The following BANF2 variants were observed in gnomAD, a reference collection of about 807,000 sequenced individuals.
BANF2 encodes the protein barrier-to-autointegration factor-like protein.
Under a neutral mutation model 8.0 loss-of-function variants are expected in BANF2, and 4 were observed. The observed-to-expected ratio is 0.50, with a 90% CI of 0.25 to 1.14. BANF2 has a LOEUF of 1.14. Among genes scored for constraint, BANF2 ranks in the 50% most tolerant of loss-of-function variants. The probability of loss-of-function intolerance (pLI) is 0.16; values close to 1 mark genes in which losing one functional copy is unlikely to be tolerated. For missense variants in BANF2, 96 were observed against 107.5 expected (o/e 0.89, Z 0.47); for synonymous variants, 50 against 40.6 (o/e 1.23, Z -0.88).
chr20:17,694,622 T>TGAGACAGGG (rs2037330184), intron 1 of BANF2, among the ~76,000 whole-genome samples: 1 of 114,346 alleles, frequency 8.7e-6, no homozygotes, highest in African/African-American at 3.0e-5. Flanking sequence ...TTTTTTTTTT[T>TGAGACAGGG]TTTTTTTTTT....
intron 1 of BANF2, among the ~76,000 whole-genome samples, chr20:17,694,599 CTCTTTTTTTTTTTTTTTTTTTT>C (rs373535208): frequency 0.046 from 3,823 of 82,992 alleles, 131 homozygotes; most frequent in Middle Eastern, 0.14. Flanking sequence ...TTTTTTCTCT[CTCTTTTTTTTTTTTTTTTTTTT>C]TTTTTTTTTT....
chr20:17,727,646 C>A (rs987811848), intron 3 of BANF2, among the ~76,000 whole-genome samples: 2 of 151,810 alleles, frequency 1.3e-5, no homozygotes, highest in Non-Finnish European at 2.9e-5. Context: ...TCAGGGCCAG[C>A]AATGACAGCA....
intron 1 of BANF2, among the ~76,000 whole-genome samples, chr20:17,711,306 G>T (rs761644579): frequency 3.9e-5 from 6 of 152,216 alleles, no homozygotes; most frequent in African/African-American, 1.4e-4. Context: ...AGTCACTTTT[G>T]CCTGAAGACA....
intron 1 of BANF2, among the ~76,000 whole-genome samples, chr20:17,719,704 GA>G (rs1433563049): frequency 6.8e-6 from 1 of 147,042 alleles, no homozygotes; most frequent in African/African-American, 2.5e-5. Flanking sequence ...AAAAAAAAAA[GA>G]GGAGCAGCTT....
intron 1 of BANF2, among the ~76,000 whole-genome samples, chr20:17,718,052 A>G (rs114286745): frequency 0.014 from 2,179 of 152,340 alleles, 52 homozygotes; most frequent in African/African-American, 0.05. Flanking sequence ...GAAATAACAT[A>G]TTACATAAAA....
chr20:17,726,401 G>C (rs1255116928), intron 3 of BANF2, among the ~76,000 whole-genome samples: 1 of 152,020 alleles, frequency 6.6e-6, no homozygotes, highest in East Asian at 1.9e-4. Flanking sequence ...TGCTCAGGAT[G>C]GTCTCGAACT....
chr20:17,711,154 G>A lies in BANF2; in HGVS notation c.-167+11099G>A, dbSNP rs577594862. On this transcript the variant is annotated intron_variant, in intron 1 of 3. Transcript: ENST00000246090. Reference sequence around the variant, plus strand: ...CTGGCAACCCTACTCTGGTGGGAACGGAGAACAAACCTCCTGGGAGGTCTG... The same window carrying A: ...CTGGCAACCCTACTCTGGTGGGAACAGAGAACAAACCTCCTGGGAGGTCTG... Among the ~76,000 whole-genome samples the A allele has an allele frequency of 3.3e-5, 5 of 152,324 alleles. No homozygotes were observed. In the East Asian group the frequency reaches 5.8e-4, roughly 18 times the overall value.
chr20:17,700,936 G>A lies in BANF2; in HGVS notation c.-167+881G>A, dbSNP rs145840604. Among the ~76,000 whole-genome samples, 291 of 152,294 alleles carry A rather than the reference G, an allele frequency of 1.9e-3. 2 individuals are homozygous for A. The highest frequency in any genetic ancestry group is 6.5e-3 in the African/African-American group (271 of 41,562). ...AACACGTCCACACAGCTGCAGCTGC[G>A]TCCCTTCTCCCACAAAGGAGTGGCT... On this transcript the variant is annotated intron_variant, in intron 1 of 3. Transcript: ENST00000246090.
intron 3 of BANF2, among the ~76,000 whole-genome samples, chr20:17,729,920 C>T (rs2037867643): frequency 6.6e-6 from 1 of 152,216 alleles, no homozygotes; most frequent in Non-Finnish European, 1.5e-5. Flanking sequence ...AATTTTCAGA[C>T]ATCCCCCGAA....
At chr20:17,722,074 C>G (rs970292618) in intron 1 of BANF2, among the ~76,000 whole-genome samples, 1 of 152,154 alleles carries the variant, frequency 6.6e-6, no homozygotes, top group Non-Finnish European at 1.5e-5. Flanking sequence ...CCAATGGCCC[C>G]CAGTTGAGCA....
chr20:17,701,017 G>T (rs1600210495), intron 1 of BANF2, among the ~76,000 whole-genome samples: 1 of 152,170 alleles, frequency 6.6e-6, no homozygotes. Context: ...ACTGTGTAAG[G>T]TAGAAAGGGA....
rs1033070721 is a variant in BANF2, at chr20:17,708,334, A to G, written c.-167+8279A>G. On this transcript the variant is annotated intron_variant, in intron 1 of 3. Coordinates refer to ENST00000246090, the MANE Select transcript of BANF2 (RefSeq NM_178477.5). ...TGCAAGGGGGCATTTTTCTTGAAGGAAGGTCCATAGCAGGAGAGACAAACC... is the reference window on the plus strand; with the variant it reads ...TGCAAGGGGGCATTTTTCTTGAAGGGAGGTCCATAGCAGGAGAGACAAACC... Among the ~76,000 whole-genome samples the G allele has an allele frequency of 2.0e-5, 3 of 152,198 alleles. No homozygotes were observed. The East Asian group carries it at 5.8e-4, about 29-fold the overall frequency.
rs559388192 is a variant in BANF2, at chr20:17,724,766, G to A, written c.-3-257G>A. 1.8e-4 allele frequency among the ~76,000 whole-genome samples: 27 copies of A among 152,302 alleles called. No individual in the cohort carries two copies. In the South Asian group the frequency reaches 4.4e-3, roughly 25 times the overall value. ...TCTTAATATTAAGCACACTCTTTTCGTGGAAATTTATTTGACTCATCTGTG... is the reference window on the plus strand; with the variant it reads ...TCTTAATATTAAGCACACTCTTTTCATGGAAATTTATTTGACTCATCTGTG... On this transcript the variant is annotated intron_variant, in intron 2 of 3. Transcript: ENST00000246090.
At chr20:17,711,248 A>G (rs111521344) in intron 1 of BANF2, among the ~76,000 whole-genome samples, 368 of 152,292 alleles carry the variant, frequency 2.4e-3, no homozygotes, top group African/African-American at 7.8e-3. Flanking sequence ...CTGCCCCCAG[A>G]TGGCCTCCCC....
chr20:17,703,740 C>CTTTTTTTT (rs373982840), intron 1 of BANF2, among the ~76,000 whole-genome samples: 1 of 122,600 alleles, frequency 8.2e-6, no homozygotes. Context: ...AGTAGGCTGA[C>CTTTTTTTT]TTTTTTTTTT....
chr20:17,717,940 C>T (rs2037679259), intron 1 of BANF2, among the ~76,000 whole-genome samples: 1 of 152,090 alleles, frequency 6.6e-6, no homozygotes, highest in South Asian at 2.1e-4. Flanking sequence ...CAAGAAAATT[C>T]CAAAAATGCT....
At position 17,703,326 on chromosome 20, in the gene BANF2, G is replaced by A. The variant is rs529313122; in HGVS notation, c.-167+3271G>A. 2.6e-5 allele frequency among the ~76,000 whole-genome samples: 4 copies of A among 152,290 alleles called. No homozygotes were observed. The East Asian group carries it at 7.7e-4, about 29-fold the overall frequency. The stretch of plus-strand genomic sequence containing the variant: ...ATCCCAGTTTCACCAGAGCAGGGAT[G>A]CAGTCTGCCCTCTCCCACTCCATCT... On this transcript the variant is annotated intron_variant, in intron 1 of 3. Coordinates refer to ENST00000246090, the MANE Select transcript of BANF2 (RefSeq NM_178477.5).
chr20:17,708,713 T>C (rs2037524361), intron 1 of BANF2, among the ~76,000 whole-genome samples: 1 of 152,210 alleles, frequency 6.6e-6, no homozygotes, highest in Non-Finnish European at 1.5e-5. Context: ...ATTTGAACTT[T>C]TAATAGATGC....
upstream of BANF2, among the ~76,000 whole-genome samples, chr20:17,697,821 G>A (rs916989405): frequency 6.6e-6 from 1 of 152,116 alleles, no homozygotes; most frequent in African/African-American, 2.4e-5. Flanking sequence ...CCTGGTGGGC[G>A]GTGTTTGTGT....
Sources: allele counts gnomAD v4.1 joint callset (sites outside exome capture counted in the v4.1 genomes callset), GRCh38; gene constraint gnomAD v4.1.1; transcripts MANE v1.5; gene names NCBI Gene and HGNC (gene_info 2026-07-23, HGNC 2026-07-21).